The following CNTNAP5 variants were observed in gnomAD, a reference collection of about 807,000 sequenced individuals.
CNTNAP5 encodes the protein contactin-associated protein-like 5.
A neutral mutation model predicts 150.2 loss-of-function variants in CNTNAP5; 72 were observed. That is an observed-to-expected ratio of 0.48 (90% CI 0.40 to 0.58). The LOEUF (loss-of-function observed/expected upper bound fraction) is 0.58. CNTNAP5 is among the 20% of genes least tolerant of loss of function. The pLI, the probability that CNTNAP5 is intolerant of heterozygous loss-of-function variation, is 0.00. For missense variants in CNTNAP5, 1,636 were observed against 1,626.2 expected (o/e 1.01, Z -0.10); for synonymous variants, 672 against 619.8 (o/e 1.08, Z -1.25).
intron 13 of CNTNAP5, among the ~76,000 whole-genome samples, chr2:124,740,065 A>G (rs1680466087): frequency 6.6e-6 from 1 of 150,378 alleles, no homozygotes; most frequent in Non-Finnish European, 1.5e-5. Flanking sequence ...ATTACATTTA[A>G]TTATATAATT....
At chr2:124,247,968 C>A (rs1190412698) in intron 3 of CNTNAP5, among the ~76,000 whole-genome samples, 2 of 152,120 alleles carry the variant, frequency 1.3e-5, no homozygotes, top group East Asian at 3.9e-4. Flanking sequence ...TACTAATAAG[C>A]TTTTAATACA....
chr2:124,160,029 A>G (rs1573800615), intron 1 of CNTNAP5, among the ~76,000 whole-genome samples: 1 of 152,300 alleles, frequency 6.6e-6, no homozygotes, highest in Non-Finnish European at 1.5e-5. Flanking sequence ...TGTACACCAG[A>G]GGAACAGACT....
chr2:124,598,499 A>C (rs1245774914), intron 11 of CNTNAP5, among the ~76,000 whole-genome samples: 1 of 137,946 alleles, frequency 7.2e-6, no homozygotes, highest in African/African-American at 2.7e-5. Flanking sequence ...CAGTCTGCCC[A>C]TTCTCAGATC....
intron 1 of CNTNAP5, among the ~76,000 whole-genome samples, chr2:124,190,948 C>G (rs1291287069): frequency 6.6e-6 from 1 of 152,184 alleles, no homozygotes; most frequent in East Asian, 1.9e-4. Flanking sequence ...GAGGATACCA[C>G]TCCATGTGTC....
chr2:124,073,350 A>T (rs1449829614), intron 1 of CNTNAP5, among the ~76,000 whole-genome samples: 3 of 152,256 alleles, frequency 2.0e-5, no homozygotes, highest in African/African-American at 7.2e-5. Context: ...CAAAGCAAAA[A>T]TGAACAAATG....
At chr2:124,458,058 A>G (rs1294154064) in intron 6 of CNTNAP5, among the ~76,000 whole-genome samples, 1 of 151,786 alleles carries the variant, frequency 6.6e-6, no homozygotes, top group Non-Finnish European at 1.5e-5. Flanking sequence ...CAATCCCACT[A>G]CTAGGTATCT....
intron 10 of CNTNAP5, among the ~76,000 whole-genome samples, chr2:124,562,703 CT>C (rs1695921385): frequency 6.6e-6 from 1 of 152,062 alleles, no homozygotes; most frequent in Non-Finnish European, 1.5e-5. Flanking sequence ...ATAAAATACC[CT>C]TGCATTTTAG....
intron 14 of CNTNAP5, among the ~76,000 whole-genome samples, chr2:124,753,213 A>G (rs969154095): frequency 1.2e-4 from 18 of 152,250 alleles, no homozygotes; most frequent in African/African-American, 4.1e-4. Flanking sequence ...AAAATATTTT[A>G]TTCTTTTCCA....
intron 12 of CNTNAP5, 25 bp downstream of exon 12, chr2:124,609,945 CACTTA>C: frequency 6.3e-7 from 1 of 1,590,990 alleles, no homozygotes; most frequent in South Asian, 1.1e-5. Context: ...GCCCTACTCA[CACTTA>C]ACCACCCCAC....
rs1678821317 is a variant in CNTNAP5 at position 124,918,976 on chromosome 2, C to T, written c.*4688C>T. 6.6e-6 allele frequency among the ~76,000 whole-genome samples: 1 copy of T among 152,028 alleles called. No individual in the cohort carries two copies. Among genetic ancestry groups the T allele is most frequent in the African/African-American group, 2.4e-5 (1 of 41,424 alleles). The stretch of plus-strand genomic sequence containing the variant: ...AATTGAATTATTTCTATATACTGTT[C>T]TTGAGTCTTTCTTGACCTCTTCTTT... On this transcript the variant is annotated 3_prime_UTR_variant, in exon 24 of 24. Transcript: ENST00000682447.
chr2:124,508,899 T>C (rs937357767), intron 8 of CNTNAP5, among the ~76,000 whole-genome samples: 2 of 152,196 alleles, frequency 1.3e-5, no homozygotes, highest in Non-Finnish European at 2.9e-5. Flanking sequence ...AAACTTGTTT[T>C]CAAAGTACTT....
chr2:124,037,877 G>A (rs571493552), intron 1 of CNTNAP5, among the ~76,000 whole-genome samples: 1 of 152,178 alleles, frequency 6.6e-6, no homozygotes, highest in East Asian at 1.9e-4. Context: ...ACATTATGTT[G>A]TACTCCACAA....
At chr2:124,250,473 G>A (rs1281349416) in intron 3 of CNTNAP5, among the ~76,000 whole-genome samples, 2 of 152,122 alleles carry the variant, frequency 1.3e-5, no homozygotes, top group African/African-American at 4.8e-5. Context: ...CTCAGGGTCT[G>A]CTTTCTTTTG....
chr2:124,534,508 C>A (rs1695184492), intron 10 of CNTNAP5, among the ~76,000 whole-genome samples: 2 of 152,120 alleles, frequency 1.3e-5, no homozygotes, highest in South Asian at 4.1e-4. Context: ...TATAAGGTAA[C>A]TTCCAGATGT....
At chr2:124,078,789 G>A (rs76525143) in intron 1 of CNTNAP5, among the ~76,000 whole-genome samples, 3 of 152,180 alleles carry the variant, frequency 2.0e-5, no homozygotes, top group Non-Finnish European at 2.9e-5. Context: ...CCAGGAAGTA[G>A]GAGGAAGAGT....
At chr2:124,871,601 C>T (rs1677749515) in intron 21 of CNTNAP5, among the ~76,000 whole-genome samples, 1 of 152,140 alleles carries the variant, frequency 6.6e-6, no homozygotes, top group Non-Finnish European at 1.5e-5. Context: ...CAAAGACTCA[C>T]TGGCACATCA....
intron 13 of CNTNAP5, among the ~76,000 whole-genome samples, chr2:124,674,318 G>A (rs182304030): frequency 1.3e-5 from 2 of 151,526 alleles, no homozygotes; most frequent in East Asian, 3.9e-4. Flanking sequence ...TTGTTGATTT[G>A]AGAACCATCC....
intron 19 of CNTNAP5, among the ~76,000 whole-genome samples, chr2:124,804,486 T>C (rs998033233): frequency 2.6e-5 from 4 of 152,200 alleles, no homozygotes; most frequent in African/African-American, 9.6e-5. Context: ...CCAAAATCCA[T>C]GACCCTCAGT....
intron 19 of CNTNAP5, among the ~76,000 whole-genome samples, chr2:124,858,231 A>T (rs1573666144): frequency 6.6e-6 from 1 of 152,200 alleles, no homozygotes; most frequent in Non-Finnish European, 1.5e-5. Context: ...AAGGAAATAA[A>T]GGGTATTCAA....
Sources: gnomAD v4.1 joint callset for allele counts (sites outside exome capture counted in the v4.1 genomes callset) on GRCh38, gnomAD v4.1.1 for gene constraint, MANE v1.5 for transcripts, NCBI Gene and HGNC (gene_info 2026-07-23, HGNC 2026-07-21) for gene names.